Variants in RMND5A observed in about 807,000 individuals in gnomAD.
RMND5A encodes the protein required for meiotic nuclear division 5 homolog A.
Under a neutral mutation model 49.7 loss-of-function variants are expected in RMND5A, and 17 were observed. The ratio of observed to expected loss-of-function variants is 0.34; its 90% CI spans 0.23 to 0.51. The LOEUF (loss-of-function observed/expected upper bound fraction) is 0.51. Ranked by LOEUF, RMND5A falls within the 20% of genes least tolerant of loss-of-function variation. The pLI, the probability that RMND5A is intolerant of heterozygous loss-of-function variation, is 0.96. For missense variants in RMND5A, 255 were observed against 471.3 expected (o/e 0.54, Z 4.25); for synonymous variants, 156 against 167.7 (o/e 0.93, Z 0.54).
chr2:86,756,409 C>T (rs950147176), intron 4 of RMND5A, among the ~76,000 whole-genome samples: 6 of 152,086 alleles, frequency 3.9e-5, no homozygotes, highest in African/African-American at 9.7e-5. Flanking sequence ...GAAGTAAAAA[C>T]GTACCATCAG....
intron 3 of RMND5A, among the ~76,000 whole-genome samples, chr2:86,752,636 A>T (rs1017367711): frequency 1.3e-5 from 2 of 152,176 alleles, no homozygotes; most frequent in African/African-American, 2.4e-5. Context: ...CATTCTACAG[A>T]TGAAAAATCT....
intron 6 of RMND5A, among the ~76,000 whole-genome samples, chr2:86,767,859 A>G (rs564425090): frequency 6.6e-6 from 1 of 152,360 alleles, no homozygotes; most frequent in South Asian, 2.1e-4. Flanking sequence ...TGATCAAAGT[A>G]GTACTACACA....
At chr2:86,721,086 G>A in intron 1 of RMND5A, 1 of 311,228 alleles carries the variant, frequency 3.2e-6, no homozygotes, top group South Asian at 5.4e-5. Flanking sequence ...GGGTGAGGGG[G>A]CCGCCCATCG....
intron 1 of RMND5A, 28 bp downstream of exon 1, chr2:86,720,837 G>T (rs771558613): frequency 1.2e-5 from 19 of 1,554,208 alleles, no homozygotes; most frequent in African/African-American, 8.3e-5. Flanking sequence ...GGCGCGCGGG[G>T]CATGGCCCAC....
intron 2 of RMND5A, among the ~76,000 whole-genome samples, chr2:86,746,741 A>G (rs899795786): frequency 2.0e-5 from 3 of 152,252 alleles, no homozygotes; most frequent in Non-Finnish European, 4.4e-5. Context: ...TAAAATAGCC[A>G]CAGAAAGGCA....
rs1309038588 is a variant in RMND5A at position 86,751,754 on chromosome 2, A to G, written c.286-142A>G. ...GACAAGTTTTAGAAAGGAGCAGTGG[A>G]AAAATTCCTTCCTTTGGGACGCTAT... is the stretch of plus-strand genomic sequence containing the variant. On this transcript the variant is annotated intron_variant, in intron 2 of 8. Transcript: ENST00000283632. The G allele has an allele frequency of 6.5e-6, 4 of 612,714 alleles. No homozygotes were observed. The East Asian group carries it at 8.9e-5, about 14-fold the overall frequency. The allele number at this position is 612,714 out of a possible 1,614,324, so 38.0% of individuals were successfully genotyped here.
At chr2:86,753,370 A>C in intron 3 of RMND5A, 88 bp from the exon 4 acceptor site, 352 of 732,388 alleles carry the variant, frequency 4.8e-4, no homozygotes, top group Admixed American at 1.9e-3. Context: ...GGCTTGCCCC[A>C]TATTTTACAA....
At chr2:86,766,960 T>A (rs922185412) in intron 6 of RMND5A, among the ~76,000 whole-genome samples, 4 of 152,224 alleles carry the variant, frequency 2.6e-5, no homozygotes, top group African/African-American at 9.6e-5. Flanking sequence ...GCACTTCAGT[T>A]TCATGTCAAA....
chr2:86,756,209 T>C (rs1377345484), intron 4 of RMND5A, among the ~76,000 whole-genome samples: 1 of 151,882 alleles, frequency 6.6e-6, no homozygotes, highest in East Asian at 1.9e-4. Flanking sequence ...CTGGGCAACA[T>C]AGCAAAACCC....
At chr2:86,772,998 A>G (rs1672708503) in intron 8 of RMND5A, among the ~76,000 whole-genome samples, 1 of 152,158 alleles carries the variant, frequency 6.6e-6, no homozygotes, top group Non-Finnish European at 1.5e-5. Flanking sequence ...GGATTGTGTG[A>G]CCAGTACATT....
intron 4 of RMND5A, among the ~76,000 whole-genome samples, chr2:86,760,922 G>A (rs894245686): frequency 6.6e-6 from 1 of 151,210 alleles, no homozygotes. Context: ...GATGCTTGTG[G>A]TTTAGATGGA....
At chr2:86,762,973 G>C (rs548260466) in intron 4 of RMND5A, among the ~76,000 whole-genome samples, 1 of 151,332 alleles carries the variant, frequency 6.6e-6, no homozygotes, top group African/African-American at 2.4e-5. Flanking sequence ...CTGGGAGGCG[G>C]AGGTTGCAGT....
At chr2:86,750,363 A>G (rs1226192087) in intron 2 of RMND5A, among the ~76,000 whole-genome samples, 1 of 152,156 alleles carries the variant, frequency 6.6e-6, no homozygotes, top group Non-Finnish European at 1.5e-5. Context: ...CCTGAAGGAT[A>G]TTTTCACTGG....
In RMND5A at chr2:86,745,553, C is replaced by T. The variant is rs545856418; in HGVS notation, c.285+4484C>T. ...ATTGACTTGATTAGAGTGACTGCTC[C>T]TGTTGGGAATAGGGAAAGGTAAATG... On this transcript the variant is annotated intron_variant, in intron 2 of 8. Coordinates refer to ENST00000283632, the MANE Select transcript of RMND5A (RefSeq NM_022780.4). Among the ~76,000 whole-genome samples, 207 of 152,248 alleles carry T rather than the reference C, an allele frequency of 1.4e-3. 2 individuals carry two copies. The highest frequency in any genetic ancestry group is 4.8e-3 in the African/African-American group (199 of 41,524).
intron 4 of RMND5A, among the ~76,000 whole-genome samples, chr2:86,754,981 C>T (rs1681705908): frequency 1.3e-5 from 2 of 152,288 alleles, no homozygotes; most frequent in South Asian, 4.1e-4. Context: ...CACTTAAGAA[C>T]TGTATCTCTG....
intron 7 of RMND5A, chr2:86,771,160 C>T (rs1672680637): frequency 6.2e-6 from 1 of 161,428 alleles, no homozygotes; most frequent in Non-Finnish European, 1.4e-5. Flanking sequence ...GTGAAAAGAA[C>T]TTGAGCCTTC....
chr2:86,765,829 C>G, intron 5 of RMND5A, 30 bp from the exon 6 acceptor site: 1 of 1,606,406 alleles, frequency 6.2e-7, no homozygotes, highest in East Asian at 2.2e-5. Context: ...TGCAAGCAAA[C>G]TAATGCTTTC....
At position 86,775,176 on chromosome 2, in the gene RMND5A, A is replaced by G; in HGVS notation, c.*1765A>G. The G allele has an allele frequency of 6.6e-6, 1 of 152,220 alleles. No individual in the cohort carries two copies. The allele number at this position is 152,220 out of a possible 1,614,324, so 9.4% of individuals were successfully genotyped here. A position where few individuals can be genotyped will look rare whatever the true frequency, so the allele number is the denominator to read the frequency against. Reference sequence around the variant, plus strand: ...AAGTTCCCCCTCTCTTTGCTAAAGCAGTGAAGGAAGAGAACAGAGACAAAC... The same window carrying G: ...AAGTTCCCCCTCTCTTTGCTAAAGCGGTGAAGGAAGAGAACAGAGACAAAC... On this transcript the variant is annotated 3_prime_UTR_variant, in exon 9 of 9. Transcript: ENST00000283632.
At chr2:86,772,980 C>A (rs1199873636) in intron 8 of RMND5A, among the ~76,000 whole-genome samples, 4 of 152,246 alleles carry the variant, frequency 2.6e-5, no homozygotes, top group South Asian at 4.2e-4. Context: ...GATTTGCTGC[C>A]CTTGAATGGA....
Sources: gnomAD v4.1 joint callset for allele counts (sites outside exome capture counted in the v4.1 genomes callset) on GRCh38, gnomAD v4.1.1 for gene constraint, MANE v1.5 for transcripts, NCBI Gene and HGNC (gene_info 2026-07-23, HGNC 2026-07-21) for gene names.